The following GABRG3 variants were observed in gnomAD, a reference collection of about 807,000 sequenced individuals.
The protein encoded by GABRG3 is gamma-aminobutyric acid receptor subunit gamma-3.
A neutral mutation model predicts 48.8 loss-of-function variants in GABRG3; 25 were observed. That is an observed-to-expected ratio of 0.51 (90% CI 0.37 to 0.72). The LOEUF is 0.72. GABRG3 is among the 30% of genes least tolerant of loss of function. GABRG3 has a pLI of 0.00. For missense variants in GABRG3, 394 were observed against 577.9 expected (o/e 0.68, Z 3.26); for synonymous variants, 227 against 217.6 (o/e 1.04, Z -0.38).
At chr15:27,300,993 T>A (rs1331803677) in intron 3 of GABRG3, among the ~76,000 whole-genome samples, 1 of 151,850 alleles carries the variant, frequency 6.6e-6, no homozygotes, top group African/African-American at 2.4e-5. Flanking sequence ...AACAAAAACT[T>A]GTAGGATAAC....
intron 5 of GABRG3, among the ~76,000 whole-genome samples, chr15:27,379,207 C>T (rs1895690726): frequency 6.6e-6 from 1 of 152,180 alleles, no homozygotes; most frequent in East Asian, 1.9e-4. Flanking sequence ...ATTCCTTCAG[C>T]ATATCAATTA....
At chr15:27,430,944 C>T (rs1011577259) in intron 5 of GABRG3, among the ~76,000 whole-genome samples, 8 of 151,680 alleles carry the variant, frequency 5.3e-5, no homozygotes, top group African/African-American at 1.7e-4. Flanking sequence ...AAGCCGAGAT[C>T]GCTGCACTGT....
At chr15:26,984,967 C>A (rs74006547) in intron 2 of GABRG3, among the ~76,000 whole-genome samples, 12,618 of 152,254 alleles carry the variant, frequency 0.083, 699 homozygotes, top group South Asian at 0.28. Flanking sequence ...TTGTCTTGGC[C>A]GTATCAATGG....
intron 3 of GABRG3, among the ~76,000 whole-genome samples, chr15:27,097,006 A>ATTT (rs36057231): frequency 3.0e-5 from 4 of 131,720 alleles, no homozygotes; most frequent in African/African-American, 1.1e-4. Flanking sequence ...ATACCCGGCT[A>ATTT]TTTTTTTTTT....
intron 5 of GABRG3, among the ~76,000 whole-genome samples, chr15:27,427,143 C>T (rs1888316861): frequency 1.3e-5 from 2 of 152,090 alleles, no homozygotes; most frequent in African/African-American, 4.8e-5. Context: ...TGTTATGCAA[C>T]AATATCATTT....
chr15:27,015,540 A>T (rs1335187715), intron 2 of GABRG3, among the ~76,000 whole-genome samples: 1 of 151,688 alleles, frequency 6.6e-6, no homozygotes. Context: ...GCCCACCACC[A>T]CACCTGGCTA....
At chr15:27,091,699 T>C (rs534196603) in intron 3 of GABRG3, among the ~76,000 whole-genome samples, 1 of 152,340 alleles carries the variant, frequency 6.6e-6, no homozygotes, top group Admixed American at 6.5e-5. Context: ...TGCATATGTC[T>C]TTCCAGGGAA....
At chr15:27,511,869 A>C (rs1407237910) in intron 6 of GABRG3, among the ~76,000 whole-genome samples, 1 of 152,234 alleles carries the variant, frequency 6.6e-6, no homozygotes, top group Non-Finnish European at 1.5e-5. Context: ...ATAGGGTCAC[A>C]TTTGGACAAC....
At chr15:27,484,749 C>A (rs1054478103) in intron 6 of GABRG3, among the ~76,000 whole-genome samples, 2 of 152,090 alleles carry the variant, frequency 1.3e-5, no homozygotes, top group Non-Finnish European at 2.9e-5. Context: ...ACCCAGCCAC[C>A]TACACACAAA....
chr15:27,190,607 T>C (rs1888261917), intron 3 of GABRG3, among the ~76,000 whole-genome samples: 1 of 152,170 alleles, frequency 6.6e-6, no homozygotes, highest in Non-Finnish European at 1.5e-5. Context: ...TCTATTTTAT[T>C]CTTCTCTCTT....
At chr15:27,133,705 GC>G (rs1297934795) in intron 3 of GABRG3, among the ~76,000 whole-genome samples, 1 of 152,104 alleles carries the variant, frequency 6.6e-6, no homozygotes, top group Admixed American at 6.5e-5. Context: ...TCTTGATTAG[GC>G]AATTTGTGAC....
At chr15:27,519,228 C>G (rs11639179) in intron 6 of GABRG3, among the ~76,000 whole-genome samples, 96,411 of 151,992 alleles carry the variant, frequency 0.63, 31,980 homozygotes, top group African/African-American at 0.84. Flanking sequence ...GACAAGAAAT[C>G]AATGGAGATG....
chr15:27,466,751 G>A (rs1028831792), intron 5 of GABRG3, among the ~76,000 whole-genome samples: 1 of 152,206 alleles, frequency 6.6e-6, no homozygotes, highest in African/African-American at 2.4e-5. Flanking sequence ...GAGGGAAGAG[G>A]AAGGGACCCC....
intron 3 of GABRG3, among the ~76,000 whole-genome samples, chr15:27,183,355 C>G (rs887674068): frequency 6.6e-6 from 1 of 152,186 alleles, no homozygotes; most frequent in Non-Finnish European, 1.5e-5. Flanking sequence ...TGGCCATGAG[C>G]TGATGGCAGC....
At chr15:27,531,958 C>T (rs975169011) in intron 9 of GABRG3, among the ~76,000 whole-genome samples, 4 of 152,134 alleles carry the variant, frequency 2.6e-5, no homozygotes, top group Admixed American at 6.5e-5. Context: ...AAGCGGTGTC[C>T]AGCCACCTCA....
chr15:27,004,471 G>A (rs2140660621), intron 2 of GABRG3, among the ~76,000 whole-genome samples: 1 of 151,868 alleles, frequency 6.6e-6, no homozygotes, highest in East Asian at 2.0e-4. Context: ...GGACTGGGCA[G>A]CCAGGCAGAG....
intron 5 of GABRG3, among the ~76,000 whole-genome samples, chr15:27,381,444 T>C (rs77332886): frequency 0.014 from 2,203 of 152,332 alleles, 52 homozygotes; most frequent in African/African-American, 0.05. Flanking sequence ...AAGACTGGAC[T>C]CCTTGGAGTT....
At chr15:27,500,272 C>A (rs2150853413) in intron 6 of GABRG3, among the ~76,000 whole-genome samples, 1 of 152,260 alleles carries the variant, frequency 6.6e-6, no homozygotes, top group East Asian at 1.9e-4. Flanking sequence ...AGGACAGAGG[C>A]AGCAGGCACT....
chr15:27,080,696 G>C (rs549937764), intron 3 of GABRG3, among the ~76,000 whole-genome samples: 5 of 152,200 alleles, frequency 3.3e-5, no homozygotes, highest in African/African-American at 1.2e-4. Flanking sequence ...ATAAGACACC[G>C]TAAGAGATTG....
Sources: gnomAD v4.1 joint callset for allele counts (sites outside exome capture counted in the v4.1 genomes callset) on GRCh38, gnomAD v4.1.1 for gene constraint, MANE v1.5 for transcripts, NCBI Gene and HGNC (gene_info 2026-07-23, HGNC 2026-07-21) for gene names.